Variants in FRK observed in about 807,000 individuals in gnomAD.
FRK encodes the protein tyrosine-protein kinase FRK.
In FRK, 51 loss-of-function variants were observed where a neutral mutation model predicts 56.4. The ratio of observed to expected loss-of-function variants is 0.90; its 90% CI spans 0.72 to 1.14. The LOEUF (loss-of-function observed/expected upper bound fraction) is 1.14. Among genes scored for constraint, FRK ranks in the 50% most tolerant of loss-of-function variants. The pLI is 0.00. For synonymous variants in FRK, 245 were observed against 217.9 expected (o/e 1.12, Z -1.10); for missense variants, 570 against 601.4 (o/e 0.95, Z 0.55).
At chr6:116,021,371 C>T (rs372949218) in intron 1 of FRK, among the ~76,000 whole-genome samples, 3 of 152,200 alleles carry the variant, frequency 2.0e-5, no homozygotes, top group East Asian at 1.9e-4. Context: ...GGAAACGTTT[C>T]ATAATTGACA....
At chr6:116,034,704 C>T (rs371454164) in intron 1 of FRK, among the ~76,000 whole-genome samples, 154 of 152,210 alleles carry the variant, frequency 1.0e-3, no homozygotes, top group African/African-American at 3.5e-3. Flanking sequence ...CCACAAAAAT[C>T]TGGATTCAAA....
At position 115,933,956 on chromosome 6, in the gene FRK, G is replaced by T. The variant is rs764730655; in HGVS notation, c.*8458C>A. The T allele has an allele frequency of 4.6e-5, 7 of 151,924 alleles. No homozygotes were observed. The highest frequency in any genetic ancestry group is 2.1e-4 in the South Asian group (1 of 4,810). The allele number at this position is 151,924 out of a possible 1,614,324, so 9.4% of individuals were successfully genotyped here. A position where few individuals can be genotyped will look rare whatever the true frequency, so the allele number is the denominator to read the frequency against. On this transcript the variant is annotated 3_prime_UTR_variant, in exon 8 of 8. Coordinates refer to ENST00000606080, the MANE Select transcript of FRK (RefSeq NM_002031.3). ...TTCACATGACCCATTTAATTTCAAG[G>T]TCATCAGGAAAGTTTGGGTATATAT...
At chr6:116,038,086 A>C (rs915545636) in intron 1 of FRK, among the ~76,000 whole-genome samples, 4 of 152,310 alleles carry the variant, frequency 2.6e-5, no homozygotes, top group Admixed American at 6.5e-5. Context: ...AGACAGCACC[A>C]ATCAGCATGA....
the FRK span, among the ~76,000 whole-genome samples, chr6:116,072,031 T>C: frequency 6.6e-6 from 1 of 152,138 alleles, no homozygotes; most frequent in Non-Finnish European, 1.5e-5. Context: ...GAGGATGTAG[T>C]CATGAAAAGA....
chr6:116,007,418 T>C (rs1210280656), intron 1 of FRK, among the ~76,000 whole-genome samples: 1 of 152,200 alleles, frequency 6.6e-6, no homozygotes, highest in Non-Finnish European at 1.5e-5. Context: ...GGAGAGGTGA[T>C]GGTTGAGTCT....
At chr6:116,080,530 A>T in the FRK span, among the ~76,000 whole-genome samples, 3 of 152,226 alleles carry the variant, frequency 2.0e-5, no homozygotes, top group African/African-American at 7.2e-5. Flanking sequence ...AAAAATGTTA[A>T]ACTTCTATAA....
At chr6:115,956,847 G>A (rs983888102) in intron 4 of FRK, among the ~76,000 whole-genome samples, 2 of 152,092 alleles carry the variant, frequency 1.3e-5, no homozygotes, top group African/African-American at 4.8e-5. Context: ...GGTGAAGAGA[G>A]GTTGATTCAG....
chr6:116,089,580 G>A, the FRK span, among the ~76,000 whole-genome samples: 7 of 152,180 alleles, frequency 4.6e-5, no homozygotes, highest in Admixed American at 6.5e-5. Context: ...TCTTGTAGAC[G>A]GCTGCCTTCT....
chr6:116,036,835 T>C (rs1446352747), intron 1 of FRK, among the ~76,000 whole-genome samples: 1 of 152,202 alleles, frequency 6.6e-6, no homozygotes. Context: ...CACTGTCCTA[T>C]GTCAACATTG....
intron 1 of FRK, among the ~76,000 whole-genome samples, chr6:116,035,656 C>T (rs373293905): frequency 2.4e-4 from 37 of 152,166 alleles, no homozygotes; most frequent in Admixed American, 1.0e-3. Flanking sequence ...AATTGTCATA[C>T]GCTGTATGTA....
intron 4 of FRK, among the ~76,000 whole-genome samples, chr6:115,957,453 T>C (rs1773045629): frequency 6.6e-6 from 1 of 152,218 alleles, no homozygotes; most frequent in East Asian, 1.9e-4. Context: ...TCAGAGGCAT[T>C]ACTGTAATTA....
At chr6:116,064,691 G>A (rs1777726231), upstream of FRK, among the ~76,000 whole-genome samples, 2 of 152,002 alleles carry the variant, frequency 1.3e-5, no homozygotes, top group Middle Eastern at 3.2e-3. Flanking sequence ...TTTCCTGCCT[G>A]GAGTCAATTT....
chr6:116,005,721 T>G (rs1012638124), intron 1 of FRK, among the ~76,000 whole-genome samples: 1 of 152,210 alleles, frequency 6.6e-6, no homozygotes. Flanking sequence ...AAATGCATGT[T>G]TTTGATTATT....
At chr6:116,052,617 A>C (rs1453543136) in intron 1 of FRK, among the ~76,000 whole-genome samples, 1 of 152,150 alleles carries the variant, frequency 6.6e-6, no homozygotes, top group Non-Finnish European at 1.5e-5. Context: ...CATGTAGTCT[A>C]GTATGTCAGG....
At chr6:115,968,416 A>T (rs1394855599) in intron 3 of FRK, among the ~76,000 whole-genome samples, 160 bp downstream of exon 3, 1 of 152,210 alleles carries the variant, frequency 6.6e-6, no homozygotes, top group Non-Finnish European at 1.5e-5. Flanking sequence ...AAAAACAAGC[A>T]TACGTCAGTG....
intron 1 of FRK, among the ~76,000 whole-genome samples, chr6:116,016,512 G>C (rs1775659306): frequency 6.6e-6 from 1 of 151,984 alleles, no homozygotes; most frequent in Admixed American, 6.6e-5. Context: ...ATGACACAGA[G>C]ACACACACAC....
chr6:115,996,317 G>C (rs11757036), intron 2 of FRK, among the ~76,000 whole-genome samples: 1 of 152,226 alleles, frequency 6.6e-6, no homozygotes, highest in East Asian at 1.9e-4. Flanking sequence ...ATGAAACTTA[G>C]AACATTTTGT....
At chr6:116,001,284 CACATACAT>C (rs1047665217) in intron 2 of FRK, among the ~76,000 whole-genome samples, 1 of 151,104 alleles carries the variant, frequency 6.6e-6, no homozygotes, top group African/African-American at 2.4e-5. Flanking sequence ...CCATGTTATA[CACATACAT>C]GCATACATGC....
the FRK span, among the ~76,000 whole-genome samples, chr6:116,093,385 C>G: frequency 1.3e-5 from 2 of 152,216 alleles, no homozygotes; most frequent in African/African-American, 2.4e-5. Flanking sequence ...GGGAAGTTTT[C>G]AGATGATCCT....
Sources: allele counts gnomAD v4.1 joint callset (sites outside exome capture counted in the v4.1 genomes callset), GRCh38; gene constraint gnomAD v4.1.1; transcripts MANE v1.5; gene names NCBI Gene and HGNC (gene_info 2026-07-23, HGNC 2026-07-21).